STAC2: variants seen among roughly 807,000 people sequenced by gnomAD.
STAC2 encodes SH3 and cysteine rich domain 2.
In STAC2, 36 loss-of-function variants were observed where a neutral mutation model predicts 49.0. The ratio of observed to expected loss-of-function variants is 0.74; its 90% CI spans 0.56 to 0.97. STAC2 has a LOEUF of 0.97. Ranked by LOEUF, STAC2 falls within the 50% of genes least tolerant of loss-of-function variation. The pLI is 0.00. For synonymous variants in STAC2, 239 were observed against 214.7 expected (o/e 1.11, Z -0.99); for missense variants, 527 against 543.8 (o/e 0.97, Z 0.31).
At position 39,217,781 on chromosome 17, in the gene STAC2, C is replaced by T. The variant is rs113832014; in HGVS notation, c.397+86G>A. 13 of 1,366,948 alleles carry T rather than the reference C, an allele frequency of 9.5e-6. No individual in the cohort carries two copies. The African/African-American group carries it at 1.0e-4, about 11-fold the overall frequency. 84.7% of individuals were successfully genotyped at this position (1,366,948 alleles called of 1,614,324 possible). A position where few individuals can be genotyped will look rare whatever the true frequency, so the allele number is the denominator to read the frequency against. On this transcript the variant is annotated intron_variant, in intron 2 of 10. Transcript: ENST00000333461. ...ATTGGGGCTCCTGAACAGCAAGAGC[C>T]CAATAATATTGGGCGCAACATGAGC...
At chr17:39,219,268 C>CTCAAT (rs1478634141) in intron 1 of STAC2, among the ~76,000 whole-genome samples, 1 of 152,122 alleles carries the variant, frequency 6.6e-6, no homozygotes, top group Non-Finnish European at 1.5e-5. Flanking sequence ...ATTGAGAATC[C>CTCAAT]TCAATTCTCA....
chr17:39,212,891 G>T (rs2046366562), intron 10 of STAC2, 104 bp downstream of exon 10: 1 of 1,519,650 alleles, frequency 6.6e-7, no homozygotes, highest in Non-Finnish European at 8.8e-7. Context: ...CAACTGCCAA[G>T]ATCAGCCTCC....
rs1357409301 is a variant in STAC2 at position 39,225,520 on chromosome 17, G to A, written c.-18C>T. 6 of 1,608,796 alleles carry A rather than the reference G, an allele frequency of 3.7e-6. No homozygotes were observed. Among genetic ancestry groups the A allele is most frequent in the Non-Finnish European group, 5.1e-6 (6 of 1,178,286 alleles). On this transcript the variant is annotated 5_prime_UTR_variant, in exon 1 of 11. Transcript: ENST00000333461. The surrounding 1 kb of genome is among the most constrained non-coding windows in gnomAD (Gnocchi z 8.2). ...TCGGTCATGGTTCGGGGAGAGGGGA[G>A]GAGAGGGTGCCGAGATCCGACGGCA...
intron 1 of STAC2, among the ~76,000 whole-genome samples, chr17:39,223,253 G>T (rs2046479135): frequency 6.6e-6 from 1 of 152,228 alleles, no homozygotes; most frequent in African/African-American, 2.4e-5. Context: ...ACAGTCTGGA[G>T]ACAGGAGCTT....
At chr17:39,217,803 G>C in intron 2 of STAC2, 64 bp downstream of exon 2, 4 of 1,500,030 alleles carry the variant, frequency 2.7e-6, no homozygotes, top group Non-Finnish European at 3.6e-6. Flanking sequence ...GGCGCAACAT[G>C]AGCCCACTCC....
intron 9 of STAC2, among the ~76,000 whole-genome samples, 180 bp from the exon 10 acceptor site, chr17:39,213,312 A>C (rs1184991234): frequency 6.6e-6 from 1 of 152,196 alleles, no homozygotes; most frequent in Non-Finnish European, 1.5e-5. Flanking sequence ...AGGTGAGCAG[A>C]GGGACAAAGC....
Position 39,212,264 on chromosome 17 carries a change from G to A in STAC2, c.*28C>T, listed in dbSNP as rs767806370. Reference sequence around the variant, plus strand: ...GAAGCAAGGTCCAGGCATGGGCAAGGGTGTCATCTGGGTTCCCTTGGCTCC... The same window carrying A: ...GAAGCAAGGTCCAGGCATGGGCAAGAGTGTCATCTGGGTTCCCTTGGCTCC... On this transcript the variant is annotated 3_prime_UTR_variant, in exon 11 of 11. Transcript: ENST00000333461. 1.7e-5 allele frequency: 26 copies of A among 1,555,592 alleles called. No homozygotes were observed. The South Asian group carries it at 2.6e-4, about 16-fold the overall frequency.
intron 4 of STAC2, among the ~76,000 whole-genome samples, chr17:39,215,539 C>A (rs1415066017): frequency 6.6e-6 from 1 of 152,214 alleles, no homozygotes; most frequent in South Asian, 2.1e-4. Context: ...ACCACACTCT[C>A]TTGGCAACTG....
At chr17:39,220,557 C>A (rs1213106001) in intron 1 of STAC2, among the ~76,000 whole-genome samples, 10 of 152,164 alleles carry the variant, frequency 6.6e-5, no homozygotes, top group Non-Finnish European at 1.3e-4. Flanking sequence ...TCACTGCAAC[C>A]TCCACCTCCT....
chr17:39,224,533 AC>A (rs1045071045), intron 1 of STAC2, among the ~76,000 whole-genome samples: 1 of 152,106 alleles, frequency 6.6e-6, no homozygotes, highest in Non-Finnish European at 1.5e-5. Context: ...GCCTCCCCAC[AC>A]CCCTTTCAGC....
chr17:39,216,481 T>C (rs2046402761), intron 4 of STAC2, among the ~76,000 whole-genome samples: 1 of 152,134 alleles, frequency 6.6e-6, no homozygotes, highest in Non-Finnish European at 1.5e-5. Context: ...AAAGTGCTTG[T>C]TGAAGGAATG....
At chr17:39,218,259 G>C in intron 1 of STAC2, 86 bp from the exon 2 acceptor site, 1 of 1,432,602 alleles carries the variant, frequency 7.0e-7, no homozygotes. Context: ...CTGGCGGTAG[G>C]GGCGGCAGCA....
intron 1 of STAC2, among the ~76,000 whole-genome samples, chr17:39,221,670 T>C (rs1471137403): frequency 6.6e-6 from 1 of 152,218 alleles, no homozygotes; most frequent in Non-Finnish European, 1.5e-5. Context: ...CGGCTTCGGC[T>C]GCTGAGCCCA....
Position 39,225,909 on chromosome 17 carries a change from G to T in STAC2, c.-407C>A. 1 of 226,920 alleles carries T rather than the reference G, an allele frequency of 4.4e-6. No homozygotes were observed. Among genetic ancestry groups the T allele is most frequent in the Non-Finnish European group, 8.6e-6 (1 of 115,938 alleles). The allele number at this position is 226,920 out of a possible 1,614,324, so 14.1% of individuals were successfully genotyped here. ...CCCCGCCGGCCCCAGCCCGGCACCCGGCGGCCCCTCCGCCCAGTCCTCGCC... is the reference window on the plus strand; with the variant it reads ...CCCCGCCGGCCCCAGCCCGGCACCCTGCGGCCCCTCCGCCCAGTCCTCGCC... On this transcript the variant is annotated 5_prime_UTR_variant, in exon 1 of 11. Coordinates refer to ENST00000333461, the MANE Select transcript of STAC2 (RefSeq NM_198993.5). This position sits in a 1 kb window ranked among gnomAD's most constrained non-coding sequence, Gnocchi z 8.2.
At chr17:39,218,832 T>C (rs1022479911) in intron 1 of STAC2, among the ~76,000 whole-genome samples, 2 of 151,916 alleles carry the variant, frequency 1.3e-5, no homozygotes, top group South Asian at 4.1e-4. Context: ...AGGGAATCGC[T>C]TGAGCCAAGC....
Position 39,218,050 on chromosome 17 carries a change from T to C in STAC2, c.214A>G (p.Thr72Ala), listed in dbSNP as rs2046423820. ...CPTEVLLTPP[T>A]PLPPPSPPPT... ...GGTGGGGAGGGAGGGGGCAGTGGGG[T>C]TGGGGGCGTCAGCAGCACCTCGGTG... The change falls in exon 2 of 11, where the codon ACC becomes GCC. Residue 72 changes from threonine to alanine, a missense_variant. By Grantham distance (58) the Thr-to-Ala change is moderately conservative. Transcript: ENST00000333461. 1 of 1,606,712 alleles carries C rather than the reference T, an allele frequency of 6.2e-7. No homozygotes were observed. Among genetic ancestry groups the C allele is most frequent in the African/African-American group, 1.3e-5 (1 of 74,474 alleles).
intron 4 of STAC2, among the ~76,000 whole-genome samples, chr17:39,215,529 A>T (rs1233860858): frequency 1.3e-5 from 2 of 151,892 alleles, no homozygotes; most frequent in Non-Finnish European, 2.9e-5. Context: ...AATTCACATC[A>T]CCACACTCTC....
intron 4 of STAC2, among the ~76,000 whole-genome samples, 170 bp from the exon 5 acceptor site, chr17:39,215,400 C>G (rs963195692): frequency 1.3e-5 from 2 of 152,204 alleles, no homozygotes; most frequent in Admixed American, 1.3e-4. Flanking sequence ...CATGCAGAAA[C>G]TTGGAGCATC....
chr17:39,225,482 C>T lies in STAC2; in HGVS notation c.21G>A (p.Lys7=). ...TGGCCGCGTCATCCGGTTCGTTCTC[C>T]TTCTCGCTCATCTCGGTCATGGTTC... MTEMSE[K]ENEPDDAATH... Residue 7 remains lysine, a synonymous_variant, in exon 1 of 11, where the codon AAG becomes AAA. Transcript: ENST00000333461. The surrounding 1 kb of genome is among the most constrained non-coding windows in gnomAD (Gnocchi z 8.2). 6.2e-7 allele frequency: 1 copy of T among 1,610,610 alleles called. No homozygotes were observed. Among genetic ancestry groups the T allele is most frequent in the Non-Finnish European group, 8.5e-7 (1 of 1,178,832 alleles).
Sources: gnomAD v4.1 joint callset for allele counts (sites outside exome capture counted in the v4.1 genomes callset) on GRCh38, gnomAD v4.1.1 for gene constraint, Gnocchi (gnomAD v3.1) non-coding constraint, MANE v1.5 for transcripts, NCBI Gene and HGNC (gene_info 2026-07-23, HGNC 2026-07-21) for gene names.